The following TMOD1 variants were observed in gnomAD, a reference collection of about 807,000 sequenced individuals.
The protein encoded by TMOD1 is tropomodulin 1, also known as tropomodulin-1.
In TMOD1, 17 loss-of-function variants were observed where a neutral mutation model predicts 40.6. The observed-to-expected ratio is 0.42, with a 90% CI of 0.29 to 0.63. The LOEUF (loss-of-function observed/expected upper bound fraction) is 0.63, where lower values mean the gene tolerates loss of function less well. TMOD1 is among the 20% of genes least tolerant of loss of function. The pLI, the probability that TMOD1 is intolerant of heterozygous loss-of-function variation, is 0.22. For synonymous variants in TMOD1, 181 were observed against 175.0 expected, an observed-to-expected ratio of 1.03 and a Z score of -0.27; for missense variants, 391 against 447.6, an observed-to-expected ratio of 0.87 and a Z score of 1.14.
At chr9:97,598,927 C>T (rs1478708007) in intron 9 of TMOD1, among the ~76,000 whole-genome samples, 1 of 152,142 alleles carries the variant, frequency 6.6e-6, no homozygotes, top group Non-Finnish European at 1.5e-5. Flanking sequence ...GAGCTTGCTG[C>T]TTGGTCTTAT....
At position 97,585,209 on chromosome 9, in the gene TMOD1, A is replaced by G. The variant is rs565289992; in HGVS notation, c.871-6082A>G. On this transcript the variant is annotated intron_variant, in intron 8 of 9. Coordinates refer to ENST00000259365, the MANE Select transcript of TMOD1 (RefSeq NM_003275.4). The stretch of plus-strand genomic sequence containing the variant: ...TTGTAAGGCAGGCCTGGTGGTGACA[A>G]AATCTCTCAGCATTTGCTTGTCTGT... Among the ~76,000 whole-genome samples, 51 of 152,220 alleles carry G rather than the reference A, an allele frequency of 3.4e-4. No homozygotes were observed. The East Asian group carries it at 7.1e-3, about 21-fold the overall frequency.
Position 97,539,130 on chromosome 9 carries a change from T to A in TMOD1, c.121-7055T>A, listed in dbSNP as rs1038835320. ...ATCTCCCTGGTTACTCCAATTTTTT[T>A]AATTTCTCTTTGTGGGATCATAGCC... On this transcript the variant is annotated intron_variant, in intron 2 of 9. Coordinates refer to ENST00000259365, the MANE Select transcript of TMOD1 (RefSeq NM_003275.4). 1.1e-4 allele frequency among the ~76,000 whole-genome samples: 16 copies of A among 152,362 alleles called. 2 individuals are homozygous for A. In the Middle Eastern group the frequency reaches 0.01, roughly 97 times the overall value.
intron 1 of TMOD1, among the ~76,000 whole-genome samples, chr9:97,511,111 C>G (rs1829691548): frequency 6.6e-6 from 1 of 151,610 alleles, no homozygotes; most frequent in African/African-American, 2.4e-5. Flanking sequence ...CACACACACA[C>G]AGGCTTTTCC....
intron 8 of TMOD1, among the ~76,000 whole-genome samples, chr9:97,581,409 G>C (rs188804378): frequency 1.3e-5 from 2 of 152,058 alleles, no homozygotes; most frequent in African/African-American, 4.8e-5. Context: ...GGACATTCGG[G>C]TTGGTTCCAA....
At chr9:97,594,377 A>T (rs2805787) in intron 9 of TMOD1, among the ~76,000 whole-genome samples, 1 of 152,094 alleles carries the variant, frequency 6.6e-6, no homozygotes, top group Non-Finnish European at 1.5e-5. Context: ...TGCATCCTAC[A>T]TTAATGCCGC....
In TMOD1 at chr9:97,600,594, T is replaced by G; in HGVS notation, c.*896T>G. 1 of 986,384 alleles carries G rather than the reference T, an allele frequency of 1.0e-6. No homozygotes were observed. The highest frequency in any genetic ancestry group is 1.2e-6 in the Non-Finnish European group (1 of 830,630). The allele number at this position is 986,384 out of a possible 1,614,324, so 61.1% of individuals were successfully genotyped here. ...AGAGGGATAAATTTCCAGATCAACA[T>G]GGCTATGGTATTTAGTAATGGCCCA... is the stretch of plus-strand genomic sequence containing the variant. On this transcript the variant is annotated 3_prime_UTR_variant, in exon 10 of 10. Transcript: ENST00000259365.
At chr9:97,568,210 G>C (rs1477502546) in intron 7 of TMOD1, among the ~76,000 whole-genome samples, 2 of 152,200 alleles carry the variant, frequency 1.3e-5, no homozygotes, top group East Asian at 1.9e-4. Context: ...ATGTACAGGA[G>C]GTTGAGGCTC....
intron 2 of TMOD1, among the ~76,000 whole-genome samples, chr9:97,525,806 G>A (rs1455167320): frequency 6.6e-6 from 1 of 152,234 alleles, no homozygotes; most frequent in Non-Finnish European, 1.5e-5. Flanking sequence ...GGAGCCCAAA[G>A]TGGCCTGGTG....
chr9:97,509,230 C>G (rs947548244), intron 1 of TMOD1, among the ~76,000 whole-genome samples: 2 of 152,212 alleles, frequency 1.3e-5, no homozygotes, highest in African/African-American at 4.8e-5. Context: ...GTCTGCACTT[C>G]TTCATCTGTA....
intron 4 of TMOD1, among the ~76,000 whole-genome samples, chr9:97,559,929 G>A (rs1379975386): frequency 6.7e-6 from 1 of 149,598 alleles, no homozygotes; most frequent in Non-Finnish European, 1.5e-5. Flanking sequence ...TGATCCATGT[G>A]TGCAGCCTTG....
chr9:97,587,563 G>T (rs1563999709), intron 8 of TMOD1, among the ~76,000 whole-genome samples: 2 of 122,004 alleles, frequency 1.6e-5, no homozygotes, highest in Admixed American at 8.7e-5. Context: ...TTTTCTAATT[G>T]TTTGTTTTTT....
At chr9:97,574,199 G>A (rs1041817332) in intron 8 of TMOD1, among the ~76,000 whole-genome samples, 5 of 152,162 alleles carry the variant, frequency 3.3e-5, no homozygotes, top group Non-Finnish European at 7.4e-5. Flanking sequence ...GGCTCCCTCA[G>A]CTTGCGGGGA....
At chr9:97,543,215 C>A (rs563655055) in intron 2 of TMOD1, among the ~76,000 whole-genome samples, 1 of 152,238 alleles carries the variant, frequency 6.6e-6, no homozygotes, top group Admixed American at 6.5e-5. Context: ...CCATTAAAAC[C>A]CTTTATGGTA....
rs1564227009 is a variant in TMOD1 at position 97,511,108 on chromosome 9, A to AGACACACACACG, written c.-49+9305_-49+9306insGACACACACACG. 2.7e-5 allele frequency among the ~76,000 whole-genome samples: 4 copies of AGACACACACACG among 149,714 alleles called. No individual in the cohort carries two copies. The East Asian group carries it at 7.9e-4, about 29-fold the overall frequency. ...CAGACACACACACACACACACACAC[A>AGACACACACACG]CACAGGCTTTTCCAATTTAAACCAC... On this transcript the variant is annotated intron_variant, in intron 1 of 9. Transcript: ENST00000259365.
chr9:97,542,849 CA>C (rs35096378), intron 2 of TMOD1, among the ~76,000 whole-genome samples: 50,681 of 99,762 alleles, frequency 0.51, 9,511 homozygotes, highest in East Asian at 0.61. Context: ...GACTCCATCT[CA>C]AAAAAAAAAA....
chr9:97,530,087 C>A (rs1369340600), intron 2 of TMOD1, among the ~76,000 whole-genome samples: 1 of 152,092 alleles, frequency 6.6e-6, no homozygotes, highest in Non-Finnish European at 1.5e-5. Flanking sequence ...TGAGACTAGC[C>A]CAGAAGGAAA....
intron 9 of TMOD1, among the ~76,000 whole-genome samples, chr9:97,591,697 G>A (rs923858594): frequency 6.6e-6 from 1 of 152,204 alleles, no homozygotes; most frequent in African/African-American, 2.4e-5. Context: ...GCACACTTAA[G>A]TGTGTTTGCA....
intron 6 of TMOD1, among the ~76,000 whole-genome samples, chr9:97,565,061 G>A (rs1436268202): frequency 6.6e-6 from 1 of 152,230 alleles, no homozygotes; most frequent in Non-Finnish European, 1.5e-5. Flanking sequence ...TAAAAACACA[G>A]CCATGTTTTC....
At chr9:97,516,092 G>T (rs1020817496) in intron 1 of TMOD1, 1 of 152,048 alleles carries the variant, frequency 6.6e-6, no homozygotes, top group Non-Finnish European at 1.5e-5. Context: ...CCACCCAATC[G>T]ATTGCTGGTT....
Sources: allele counts gnomAD v4.1 joint callset (sites outside exome capture counted in the v4.1 genomes callset), GRCh38; gene constraint gnomAD v4.1.1; transcripts MANE v1.5; gene names NCBI Gene and HGNC (gene_info 2026-07-23, HGNC 2026-07-21).